The following MAPRE1 variants were observed in gnomAD, a reference collection of about 807,000 sequenced individuals.
The protein encoded by MAPRE1 is microtubule-associated protein RP/EB family member 1.
Under a neutral mutation model 32.1 loss-of-function variants are expected in MAPRE1, and 5 were observed. The ratio of observed to expected loss-of-function variants is 0.16; its 90% CI spans 0.08 to 0.33. The LOEUF is 0.33. Ranked by LOEUF, MAPRE1 falls within the 10% of genes least tolerant of loss-of-function variation. The pLI, the probability that MAPRE1 is intolerant of heterozygous loss-of-function variation, is 1.00. For synonymous variants in MAPRE1, 122 were observed against 118.9 expected (o/e 1.03, Z -0.17); for missense variants, 209 against 327.2 (o/e 0.64, Z 2.79).
intron 2 of MAPRE1, among the ~76,000 whole-genome samples, chr20:32,826,469 C>T (rs1238604309): frequency 6.7e-6 from 1 of 148,666 alleles, no homozygotes; most frequent in East Asian, 2.0e-4. Flanking sequence ...ATCTGCCTGC[C>T]TCGGTCTCCC....
At position 32,848,761 on chromosome 20, in the gene MAPRE1, T is replaced by C. The variant is rs1363425215; in HGVS notation, c.*33T>C. 6.3e-7 allele frequency: 1 copy of C among 1,581,902 alleles called. No homozygotes were observed. Among genetic ancestry groups the C allele is most frequent in the South Asian group, 1.1e-5 (1 of 89,308 alleles). ...GACCAGCAGAGCAACATCGGAATTC[T>C]TCACTCCAAATCATGTGCTTAACTG... On this transcript the variant is annotated 3_prime_UTR_variant, in exon 7 of 7. Transcript: ENST00000375571.
chr20:32,829,980 A>G (rs1398091040), intron 2 of MAPRE1, among the ~76,000 whole-genome samples: 2 of 152,124 alleles, frequency 1.3e-5, no homozygotes, highest in East Asian at 1.9e-4. Context: ...TTTGTCAGAA[A>G]GGGAGTACTG....
chr20:32,835,404 C>G (rs888511266), intron 3 of MAPRE1, among the ~76,000 whole-genome samples: 3 of 115,866 alleles, frequency 2.6e-5, no homozygotes, highest in African/African-American at 1.2e-4. Context: ...GCTGTGTTGC[C>G]AGTGCTGGTC....
At chr20:32,820,813 C>T (rs1289213161) in intron 1 of MAPRE1, among the ~76,000 whole-genome samples, 2 of 150,416 alleles carry the variant, frequency 1.3e-5, no homozygotes, top group South Asian at 4.2e-4. Context: ...GACCTCTGCC[C>T]CATTTTGGGG....
At chr20:32,828,559 G>A (rs1209499027) in intron 2 of MAPRE1, among the ~76,000 whole-genome samples, 1 of 152,202 alleles carries the variant, frequency 6.6e-6, no homozygotes, top group Non-Finnish European at 1.5e-5. Context: ...GACCCTTAAT[G>A]TCTTAGTTCT....
chr20:32,844,396 TTAGTGAAAC>T (rs146484298), intron 5 of MAPRE1, among the ~76,000 whole-genome samples: 1,673 of 149,924 alleles, frequency 0.011, 32 homozygotes, highest in African/African-American at 0.039. Context: ...GAGGGTAGCA[TTAGTGAAAC>T]TAGTGAAACT....
At chr20:32,836,574 C>G (rs2146132178) in intron 3 of MAPRE1, 60 bp from the exon 4 acceptor site, 1 of 908,966 alleles carries the variant, frequency 1.1e-6, no homozygotes, top group Non-Finnish European at 1.8e-6. Context: ...GATGCATGGA[C>G]TAGTTTGATG....
intron 1 of MAPRE1, among the ~76,000 whole-genome samples, chr20:32,823,441 T>C (rs1355029963): frequency 6.6e-6 from 1 of 152,248 alleles, no homozygotes; most frequent in Non-Finnish European, 1.5e-5. Flanking sequence ...TCTAGGTCAC[T>C]ATGAAGTCTC....
At chr20:32,822,664 A>G (rs752622192) in intron 1 of MAPRE1, among the ~76,000 whole-genome samples, 3 of 152,180 alleles carry the variant, frequency 2.0e-5, no homozygotes, top group Non-Finnish European at 4.4e-5. Context: ...TTTAACTTGT[A>G]AGGGAACTGA....
At chr20:32,841,931 G>A (rs1983374937) in intron 5 of MAPRE1, among the ~76,000 whole-genome samples, 1 of 151,822 alleles carries the variant, frequency 6.6e-6, no homozygotes, top group South Asian at 2.1e-4. Flanking sequence ...ATAAAAGACT[G>A]TGATGATTAT....
At chr20:32,836,238 G>A (rs1282746157) in intron 3 of MAPRE1, among the ~76,000 whole-genome samples, 1 of 152,254 alleles carries the variant, frequency 6.6e-6, no homozygotes, top group Non-Finnish European at 1.5e-5. Flanking sequence ...GAGCCACTGT[G>A]CCTGGCCTGT....
At position 32,835,356 on chromosome 20, in the gene MAPRE1, T is replaced by G. The variant is rs529259022; in HGVS notation, c.268-1278T>G. On this transcript the variant is annotated intron_variant, in intron 3 of 6. Transcript: ENST00000375571. ...TTTGTTATTTTTTGTGTGTGTGTTTTTATTGGTGTTTTTTTTTTTTTTTTG... is the reference window on the plus strand; with the variant it reads ...TTTGTTATTTTTTGTGTGTGTGTTTGTATTGGTGTTTTTTTTTTTTTTTTG... Among the ~76,000 whole-genome samples the G allele has an allele frequency of 9.6e-4, 129 of 134,754 alleles. 1 individual carries two copies. The highest frequency in any genetic ancestry group is 3.7e-3 in the African/African-American group (126 of 34,030). 88.4% of individuals were successfully genotyped at this position (134,754 alleles called of 152,430 possible).
intron 2 of MAPRE1, 136 bp downstream of exon 2, chr20:32,826,184 G>C: frequency 1.6e-6 from 1 of 626,030 alleles, no homozygotes; most frequent in Non-Finnish European, 2.5e-6. Context: ...CTTCCTCTCA[G>C]CCCTGCCTTT....
intron 1 of MAPRE1, among the ~76,000 whole-genome samples, chr20:32,824,216 A>G (rs749744349): frequency 5.3e-5 from 8 of 152,258 alleles, no homozygotes; most frequent in Non-Finnish European, 1.2e-4. Flanking sequence ...CCTGGTCCCT[A>G]GAACAGTGCC....
At chr20:32,829,529 G>A (rs1982960819) in intron 2 of MAPRE1, among the ~76,000 whole-genome samples, 1 of 152,230 alleles carries the variant, frequency 6.6e-6, no homozygotes, top group Non-Finnish European at 1.5e-5. Context: ...AACTCCTTGT[G>A]CTTACTGAGG....
intron 1 of MAPRE1, among the ~76,000 whole-genome samples, chr20:32,823,500 A>G (rs938321190): frequency 6.6e-6 from 1 of 152,230 alleles, no homozygotes; most frequent in African/African-American, 2.4e-5. Context: ...GATTTGATTT[A>G]GATCTGGATT....
intron 5 of MAPRE1, among the ~76,000 whole-genome samples, chr20:32,841,667 C>G (rs1983367387): frequency 1.4e-5 from 2 of 142,318 alleles, no homozygotes; most frequent in Non-Finnish European, 3.0e-5. Flanking sequence ...CTTCCTGTGT[C>G]CATGTGTTCT....
chr20:32,828,113 C>T (rs1021967463), intron 2 of MAPRE1, among the ~76,000 whole-genome samples: 17 of 151,988 alleles, frequency 1.1e-4, no homozygotes, highest in Middle Eastern at 3.2e-3. Flanking sequence ...CAGTGGTGCC[C>T]AAGAGTTGTG....
At chr20:32,822,899 A>G (rs1469244373) in intron 1 of MAPRE1, among the ~76,000 whole-genome samples, 3 of 152,254 alleles carry the variant, frequency 2.0e-5, no homozygotes, top group Non-Finnish European at 4.4e-5. Context: ...CTGGAAACAT[A>G]GGGATTAATT....
Sources: gnomAD v4.1 joint callset for allele counts (sites outside exome capture counted in the v4.1 genomes callset) on GRCh38, gnomAD v4.1.1 for gene constraint, MANE v1.5 for transcripts, NCBI Gene and HGNC (gene_info 2026-07-23, HGNC 2026-07-21) for gene names.